STX8: variants seen among roughly 807,000 people sequenced by gnomAD.
STX8 encodes syntaxin-8.
In STX8, 23 loss-of-function variants were observed where a neutral mutation model predicts 37.5. The observed-to-expected ratio is 0.61, with a 90% CI of 0.44 to 0.87. The LOEUF (loss-of-function observed/expected upper bound fraction) is 0.87, where lower values mean the gene tolerates loss of function less well. Ranked by LOEUF, STX8 falls within the 40% of genes least tolerant of loss-of-function variation. The pLI, the probability that STX8 is intolerant of heterozygous loss-of-function variation, is 0.00. For missense variants in STX8, 313 were observed against 284.7 expected, an observed-to-expected ratio of 1.10 and a Z score of -0.71; for synonymous variants, 115 against 99.1, an observed-to-expected ratio of 1.16 and a Z score of -0.95.
chr17:9,421,756 G>A (rs1319709936), intron 6 of STX8, among the ~76,000 whole-genome samples: 2 of 152,010 alleles, frequency 1.3e-5, no homozygotes, highest in East Asian at 1.9e-4. Flanking sequence ...CCCCATGGCC[G>A]CATGACATGG....
At chr17:9,465,321 C>G (rs1013654401) in intron 6 of STX8, among the ~76,000 whole-genome samples, 2 of 152,142 alleles carry the variant, frequency 1.3e-5, no homozygotes, top group Admixed American at 6.5e-5. Context: ...CAGCTGCCCA[C>G]TGGGAGTAGC....
intron 4 of STX8, among the ~76,000 whole-genome samples, chr17:9,518,992 G>A (rs1478130996): frequency 6.6e-6 from 1 of 152,150 alleles, no homozygotes; most frequent in Non-Finnish European, 1.5e-5. Flanking sequence ...CTAGGGGTGG[G>A]GAGGGACGTG....
chr17:9,492,899 T>C (rs926735865), intron 5 of STX8, among the ~76,000 whole-genome samples: 1 of 151,826 alleles, frequency 6.6e-6, no homozygotes, highest in Non-Finnish European at 1.5e-5. Context: ...ATCGAGACCA[T>C]CCTGGCTAAC....
chr17:9,285,066 G>A (rs1241981087), intron 7 of STX8, among the ~76,000 whole-genome samples: 2 of 152,068 alleles, frequency 1.3e-5, no homozygotes, highest in African/African-American at 2.4e-5. Flanking sequence ...CTGATTCAGC[G>A]GTTCCGGGAG....
chr17:9,282,801 G>C (rs1907937253), intron 7 of STX8, among the ~76,000 whole-genome samples: 2 of 152,178 alleles, frequency 1.3e-5, no homozygotes, highest in Non-Finnish European at 2.9e-5. Context: ...GTGGCCGCAT[G>C]CATAACCAGC....
intron 6 of STX8, among the ~76,000 whole-genome samples, chr17:9,480,582 A>G (rs1906288118): frequency 6.6e-6 from 1 of 152,132 alleles, no homozygotes; most frequent in African/African-American, 2.4e-5. Flanking sequence ...AGTCCTTCCA[A>G]AAGATGGAAA....
chr17:9,251,806 CA>C (rs1189032121), intron 7 of STX8, among the ~76,000 whole-genome samples: 1 of 152,238 alleles, frequency 6.6e-6, no homozygotes, highest in Non-Finnish European at 1.5e-5. Context: ...CAGGCCATAC[CA>C]ATCTTAAGCT....
intron 7 of STX8, among the ~76,000 whole-genome samples, chr17:9,297,570 T>C (rs1319994601): frequency 6.6e-6 from 1 of 152,188 alleles, no homozygotes; most frequent in Non-Finnish European, 1.5e-5. Context: ...CAGCAAGTAC[T>C]CAATAAATGT....
intron 4 of STX8, among the ~76,000 whole-genome samples, chr17:9,520,837 G>A (rs767106883): frequency 1.6e-4 from 24 of 152,106 alleles, no homozygotes; most frequent in Admixed American, 6.6e-4. Flanking sequence ...CTTTCTTAGC[G>A]TTTCAAAAAG....
At chr17:9,262,618 T>C (rs946463083) in intron 7 of STX8, among the ~76,000 whole-genome samples, 1 of 152,112 alleles carries the variant, frequency 6.6e-6, no homozygotes, top group Non-Finnish European at 1.5e-5. Context: ...AGTCTTGCTC[T>C]GTCGCCAGGC....
Position 9,402,974 on chromosome 17 carries a change from G to A in STX8, c.542-24321C>T, listed in dbSNP as rs1016779913. The stretch of plus-strand genomic sequence containing the variant: ...CAGAGCTTCACGAATTCATAGCTTC[G>A]GTCTGGTGACTGCCTCGCCACAGCC... On this transcript the variant is annotated intron_variant, in intron 6 of 7. Transcript: ENST00000306357. 7.2e-5 allele frequency among the ~76,000 whole-genome samples: 11 copies of A among 152,246 alleles called. No homozygotes were observed. In the South Asian group the frequency reaches 2.3e-3, roughly 32 times the overall value.
At chr17:9,522,043 T>G (rs1905357256) in intron 4 of STX8, among the ~76,000 whole-genome samples, 2 of 152,312 alleles carry the variant, frequency 1.3e-5, no homozygotes, top group South Asian at 4.1e-4. Context: ...ATCATTTTTT[T>G]GGGTCTCCAA....
intron 7 of STX8, among the ~76,000 whole-genome samples, chr17:9,345,110 AC>A (rs1287519837): frequency 6.7e-6 from 1 of 150,356 alleles, no homozygotes; most frequent in Middle Eastern, 3.4e-3. Context: ...TCACAGGGAC[AC>A]CTGCCACTCC....
intron 6 of STX8, among the ~76,000 whole-genome samples, chr17:9,489,835 TACA>T (rs1350755078): frequency 6.6e-6 from 1 of 152,030 alleles, no homozygotes; most frequent in Admixed American, 6.6e-5. Flanking sequence ...ATTACACGCA[TACA>T]ACACCATGCC....
intron 7 of STX8, among the ~76,000 whole-genome samples, chr17:9,360,929 C>T (rs1911041674): frequency 6.6e-6 from 1 of 152,130 alleles, no homozygotes; most frequent in East Asian, 1.9e-4. Flanking sequence ...GGCTACAGGT[C>T]CCTGACAGCT....
chr17:9,522,566 A>ATC (rs1905394544), intron 4 of STX8, among the ~76,000 whole-genome samples: 2 of 139,642 alleles, frequency 1.4e-5, no homozygotes, highest in Non-Finnish European at 3.1e-5. Context: ...AAAAAAAATT[A>ATC]TCTGGGCATG....
intron 7 of STX8, among the ~76,000 whole-genome samples, chr17:9,335,832 G>GACAGACAC (rs1555597772): frequency 3.4e-5 from 5 of 147,846 alleles, no homozygotes; most frequent in Admixed American, 6.7e-5. Context: ...CACACACGTA[G>GACAGACAC]ACACACACAC....
chr17:9,489,948 A>G (rs1217844473), intron 6 of STX8, among the ~76,000 whole-genome samples: 1 of 152,080 alleles, frequency 6.6e-6, no homozygotes, highest in Non-Finnish European at 1.5e-5. Context: ...TCAGCCTGCC[A>G]AAGTGCTGTG....
chr17:9,258,803 T>C (rs1906898692), intron 7 of STX8, among the ~76,000 whole-genome samples: 1 of 152,218 alleles, frequency 6.6e-6, no homozygotes, highest in African/African-American at 2.4e-5. Context: ...GACTCATCAA[T>C]GGAGTCTCTG....
Sources: allele counts gnomAD v4.1 joint callset (sites outside exome capture counted in the v4.1 genomes callset), GRCh38; gene constraint gnomAD v4.1.1; transcripts MANE v1.5; gene names NCBI Gene and HGNC (gene_info 2026-07-23, HGNC 2026-07-21).